The following MGAT4C variants were observed in gnomAD, a reference collection of about 807,000 sequenced individuals.
MGAT4C encodes MGAT4 family member C.
A neutral mutation model predicts 40.1 loss-of-function variants in MGAT4C; 19 were observed. That is an observed-to-expected ratio of 0.47 (90% CI 0.33 to 0.70). The LOEUF (loss-of-function observed/expected upper bound fraction) is 0.70. Ranked by LOEUF, MGAT4C falls within the 30% of genes least tolerant of loss-of-function variation. MGAT4C has a pLI of 0.02. For missense variants in MGAT4C, 491 were observed against 563.2 expected (o/e 0.87, Z 1.30); for synonymous variants, 181 against 187.1 (o/e 0.97, Z 0.27).
At chr12:86,659,689 T>A (rs1014508180) in intron 2 of MGAT4C, among the ~76,000 whole-genome samples, 6 of 152,002 alleles carry the variant, frequency 3.9e-5, no homozygotes, top group Admixed American at 1.3e-4. Context: ...ACTTAGCTCC[T>A]CTCTTTTTCC....
intron 2 of MGAT4C, among the ~76,000 whole-genome samples, chr12:86,493,037 C>T (rs1242241538): frequency 6.6e-6 from 1 of 150,784 alleles, no homozygotes; most frequent in Non-Finnish European, 1.5e-5. Context: ...CCAAAAAACA[C>T]ATGAAAAAAT....
intron 1 of MGAT4C, among the ~76,000 whole-genome samples, chr12:86,768,688 G>C (rs1951566162): frequency 1.3e-5 from 2 of 152,096 alleles, no homozygotes; most frequent in Non-Finnish European, 2.9e-5. Context: ...CAATGGAACA[G>C]AATAGAGCCC....
intron 2 of MGAT4C, among the ~76,000 whole-genome samples, chr12:86,719,393 A>T (rs1774004559): frequency 6.6e-6 from 1 of 152,178 alleles, no homozygotes; most frequent in African/African-American, 2.4e-5. Flanking sequence ...CTAAAGAGAC[A>T]AGTTATCTGC....
chr12:86,671,392 G>A (rs1372094686), intron 2 of MGAT4C, among the ~76,000 whole-genome samples: 1 of 152,122 alleles, frequency 6.6e-6, no homozygotes, highest in East Asian at 1.9e-4. Flanking sequence ...ACATACAAAG[G>A]GAACCCCATG....
chr12:86,421,532 G>A (rs1956826564), intron 3 of MGAT4C, among the ~76,000 whole-genome samples: 1 of 152,186 alleles, frequency 6.6e-6, no homozygotes, highest in African/African-American at 2.4e-5. Context: ...AGCACTTTGG[G>A]AGGCCGAGGC....
At chr12:86,413,118 G>A (rs1342938278) in intron 3 of MGAT4C, among the ~76,000 whole-genome samples, 1 of 151,906 alleles carries the variant, frequency 6.6e-6, no homozygotes, top group Non-Finnish European at 1.5e-5. Flanking sequence ...ATGTTAAATT[G>A]TGTGTCTGAT....
intron 1 of MGAT4C, among the ~76,000 whole-genome samples, chr12:86,124,577 A>G (rs1031613361): frequency 8.5e-5 from 13 of 152,114 alleles, no homozygotes; most frequent in African/African-American, 3.1e-4. Flanking sequence ...GCTAATGATC[A>G]GTGGAGCAGA....
rs145144427 is a variant in MGAT4C, at chr12:86,768,295, G to T, written c.-261-41054C>A. Reference sequence around the variant, plus strand: ...GCTTCACAGAGAATAAAATACTTAGGAATCCAACTTACGAGGGATGTGAAG... The same window carrying T: ...GCTTCACAGAGAATAAAATACTTAGTAATCCAACTTACGAGGGATGTGAAG... On this transcript the variant is annotated intron_variant, in intron 1 of 7. Coordinates refer to the MGAT4C transcript ENST00000548651. Among the ~76,000 whole-genome samples, 1,442 of 152,228 alleles carry T rather than the reference G, an allele frequency of 9.5e-3. 11 individuals carry two copies. The highest frequency in any genetic ancestry group is 0.017 in the Middle Eastern group (5 of 294).
chr12:85,995,839 T>C (rs1027534439), intron 2 of MGAT4C, among the ~76,000 whole-genome samples: 2 of 152,134 alleles, frequency 1.3e-5, no homozygotes, highest in African/African-American at 4.8e-5. Context: ...GCCACTGCAC[T>C]CCAGCCTAGG....
chr12:86,295,137 C>T (rs564646091), intron 4 of MGAT4C, among the ~76,000 whole-genome samples: 158 of 152,190 alleles, frequency 1.0e-3, no homozygotes, highest in Middle Eastern at 6.8e-3. Context: ...CTTTTAATCT[C>T]AATATATTTT....
chr12:85,970,701 ATAT>A lies in MGAT4C; in HGVS notation c.*8585_*8587del, dbSNP rs1205824225. ...AATTCACAGTGCTTGTACAATTCAG[ATAT>A]TATTTTGCTTTGAAGTCAAATAGAG... is the stretch of plus-strand genomic sequence containing the variant. On this transcript the variant is annotated 3_prime_UTR_variant, in exon 5 of 5. Transcript: ENST00000611864. The A allele has an allele frequency of 6.6e-6, 1 of 151,290 alleles. No individual in the cohort carries two copies. Among genetic ancestry groups the A allele is most frequent in the Non-Finnish European group, 1.5e-5 (1 of 67,370 alleles). 9.4% of individuals were successfully genotyped at this position (151,290 alleles called of 1,614,324 possible).
chr12:86,810,061 T>C (rs1000082663), intron 1 of MGAT4C, among the ~76,000 whole-genome samples: 1 of 152,080 alleles, frequency 6.6e-6, no homozygotes, highest in Non-Finnish European at 1.5e-5. Flanking sequence ...GTAACTTTCA[T>C]TGTAAAAATC....
intron 1 of MGAT4C, among the ~76,000 whole-genome samples, chr12:86,190,210 C>T (rs557021134): frequency 3.3e-5 from 5 of 152,012 alleles, no homozygotes; most frequent in Admixed American, 1.3e-4. Context: ...TTTTTTATTA[C>T]ACCAGGGATT....
chr12:86,336,372 C>A (rs1388335134), intron 3 of MGAT4C, among the ~76,000 whole-genome samples: 1 of 152,156 alleles, frequency 6.6e-6, no homozygotes, highest in Admixed American at 6.6e-5. Context: ...TCTTATAAAT[C>A]TTCCTTGCCT....
chr12:86,561,065 T>C (rs1959840126), intron 2 of MGAT4C, among the ~76,000 whole-genome samples: 1 of 152,138 alleles, frequency 6.6e-6, no homozygotes, highest in South Asian at 2.1e-4. Context: ...AAAATATGCT[T>C]ATGAATAAAT....
chr12:86,653,296 A>T (rs911544587), intron 2 of MGAT4C, among the ~76,000 whole-genome samples: 2 of 151,890 alleles, frequency 1.3e-5, no homozygotes, highest in African/African-American at 4.8e-5. Flanking sequence ...CTGGATACTC[A>T]GGTTGGCAAT....
At chr12:86,312,122 C>T (rs1207445467) in intron 4 of MGAT4C, among the ~76,000 whole-genome samples, 1 of 152,138 alleles carries the variant, frequency 6.6e-6, no homozygotes, top group Non-Finnish European at 1.5e-5. Context: ...TCATTTTATA[C>T]TGGATTCTCA....
chr12:86,417,117 G>A (rs532707970), intron 3 of MGAT4C, among the ~76,000 whole-genome samples: 5 of 151,914 alleles, frequency 3.3e-5, no homozygotes, highest in South Asian at 2.1e-4. Context: ...AGTCTGCATC[G>A]GTCAACTGGT....
chr12:86,720,250 A>C (rs1950715578), intron 2 of MGAT4C, among the ~76,000 whole-genome samples: 1 of 152,108 alleles, frequency 6.6e-6, no homozygotes, highest in Non-Finnish European at 1.5e-5. Flanking sequence ...CTTGGTAGCT[A>C]AAGTCTCCGA....
Sources: gnomAD v4.1 joint callset for allele counts (sites outside exome capture counted in the v4.1 genomes callset) on GRCh38, gnomAD v4.1.1 for gene constraint, MANE v1.5 for transcripts, NCBI Gene and HGNC (gene_info 2026-07-23, HGNC 2026-07-21) for gene names.